SLC28A1: variants seen among roughly 807,000 people sequenced by gnomAD.
The protein encoded by SLC28A1 is sodium/nucleoside cotransporter 1.
A neutral mutation model predicts 74.8 loss-of-function variants in SLC28A1; 64 were observed. The ratio of observed to expected loss-of-function variants is 0.86; its 90% CI spans 0.70 to 1.05. SLC28A1 has a LOEUF of 1.05. SLC28A1 is among the 50% of genes least tolerant of loss of function. The probability of loss-of-function intolerance (pLI) is 0.00; values close to 1 mark genes in which losing one functional copy is unlikely to be tolerated. For synonymous variants in SLC28A1, 359 were observed against 335.0 expected, an observed-to-expected ratio of 1.07 and a Z score of -0.78; for missense variants, 828 against 822.8, an observed-to-expected ratio of 1.01 and a Z score of -0.08.
intron 9 of SLC28A1, among the ~76,000 whole-genome samples, chr15:84,916,059 T>A (rs1241750278): frequency 3.3e-5 from 5 of 151,584 alleles, no homozygotes; most frequent in Admixed American, 6.6e-5. Flanking sequence ...GCCTCCCGGG[T>A]TCAAGCGATT....
intron 5 of SLC28A1, among the ~76,000 whole-genome samples, chr15:84,893,461 T>C (rs1427057640): frequency 6.6e-6 from 1 of 152,216 alleles, no homozygotes; most frequent in Non-Finnish European, 1.5e-5. Context: ...TCATTTTATT[T>C]TTTATAACTC....
At chr15:84,923,217 C>T (rs1263252147) in intron 11 of SLC28A1, among the ~76,000 whole-genome samples, 1 of 152,210 alleles carries the variant, frequency 6.6e-6, no homozygotes, top group African/African-American at 2.4e-5. Context: ...GGATTGCAGG[C>T]GTGAGCCACT....
intron 1 of SLC28A1, 97 bp downstream of exon 1, chr15:84,884,848 C>CT (rs1596170070): frequency 1.8e-6 from 1 of 570,934 alleles, no homozygotes; most frequent in East Asian, 1.5e-4. Context: ...AGGTAGCGTC[C>CT]TTTTTTTCTT....
Position 84,901,162 on chromosome 15 carries a change from G to A in SLC28A1, c.462-2935G>A, listed in dbSNP as rs377407867. 1.1e-3 allele frequency among the ~76,000 whole-genome samples: 172 copies of A among 151,898 alleles called. 1 individual carries two copies. The highest frequency in any genetic ancestry group is 4.0e-3 in the African/African-American group (164 of 41,434). On this transcript the variant is annotated intron_variant, in intron 6 of 18. Transcript: ENST00000394573. Reference sequence around the variant, plus strand: ...GCTTGAACGTGGGAGGCAGAGCCACGGTGCCTGGCCTTGTCATAAATCTTT... The same window carrying A: ...GCTTGAACGTGGGAGGCAGAGCCACAGTGCCTGGCCTTGTCATAAATCTTT...
chr15:84,889,276 G>A (rs750556170), intron 4 of SLC28A1, among the ~76,000 whole-genome samples: 41 of 152,220 alleles, frequency 2.7e-4, no homozygotes, highest in Non-Finnish European at 5.4e-4. Flanking sequence ...GAGGGGAAGG[G>A]ACCAGCCAGG....
chr15:84,923,954 C>G (rs778608288), intron 11 of SLC28A1, 31 bp from the exon 12 acceptor site: 1 of 1,613,878 alleles, frequency 6.2e-7, no homozygotes, highest in Non-Finnish European at 8.5e-7. Flanking sequence ...TCACCCCCAC[C>G]CTGCTTGTCT....
At chr15:84,931,862 C>G (rs1407977039) in intron 12 of SLC28A1, among the ~76,000 whole-genome samples, 2 of 151,642 alleles carry the variant, frequency 1.3e-5, no homozygotes, top group Non-Finnish European at 2.9e-5. Flanking sequence ...ATTAGCCGGG[C>G]GTGGTGGTGC....
intron 6 of SLC28A1, among the ~76,000 whole-genome samples, chr15:84,897,235 A>AG (rs1471351163): frequency 1.3e-5 from 2 of 151,544 alleles, no homozygotes; most frequent in Non-Finnish European, 2.9e-5. Context: ...AAAAAAAAAA[A>AG]AATGGCTGAG....
In SLC28A1 at chr15:84,895,807, C is replaced by G; in HGVS notation, c.461+684C>G. The G allele has an allele frequency of 3.5e-6, 4 of 1,155,700 alleles. No individual in the cohort carries two copies. In the South Asian group the frequency reaches 6.3e-5, roughly 18 times the overall value. 71.6% of individuals were successfully genotyped at this position (1,155,700 alleles called of 1,614,324 possible). ...AAAAAAAAGTCTGAAGACCACCAGT[C>G]TATTTCAATACTCTATTTTGTTGAT... On this transcript the variant is annotated intron_variant, in intron 6 of 18. Transcript: ENST00000394573.
At chr15:84,895,338 T>C (rs117958023) in intron 6 of SLC28A1, 18,197 of 1,613,394 alleles carry the variant, frequency 0.011, 118 homozygotes, top group Non-Finnish European at 0.013. Flanking sequence ...CAGGTGACTG[T>C]GGTGGACGAA....
rs115115840 is a variant in SLC28A1, at chr15:84,944,652, G to A, written c.1750G>A (p.Ala584Thr). 80 of 1,613,180 alleles carry A rather than the reference G, an allele frequency of 5.0e-5. No homozygotes were observed. Among genetic ancestry groups the A allele is most frequent in the Non-Finnish European group, 6.4e-5 (76 of 1,179,262 alleles). Residue 584 changes from alanine (A) to threonine (T), a missense_variant, in exon 17 of 19, where the codon GCC (alanine) becomes ACC (threonine). Physicochemically the swap from Ala to Thr is moderately conservative, Grantham distance 58 (BLOSUM62 0). This residue lies in a region of SLC28A1 where 767 missense variants were observed against 753.5 expected (regional missense o/e 1.02). Transcript: ENST00000394573. ...GGGAGCCTGTGTGTCCCTGGTGAAC[G>A]CCTGTATGGCAGGTGAGTGCAGGCC... ...FTGACVSLVN[A>T]CMAGILYMPR...
intron 15 of SLC28A1, among the ~76,000 whole-genome samples, chr15:84,942,904 G>C (rs896370168): frequency 1.3e-5 from 2 of 152,194 alleles, no homozygotes; most frequent in African/African-American, 4.8e-5. Flanking sequence ...TGAAGGACAG[G>C]CTGGGTGTGG....
chr15:84,930,075 C>T (rs1343888593), intron 12 of SLC28A1, among the ~76,000 whole-genome samples: 1 of 152,228 alleles, frequency 6.6e-6, no homozygotes, highest in African/African-American at 2.4e-5. Flanking sequence ...CTAGCAACTG[C>T]AGCATTTGAG....
chr15:84,975,286 T>C, the SLC28A1 span, among the ~76,000 whole-genome samples: 1 of 152,252 alleles, frequency 6.6e-6, no homozygotes, highest in Non-Finnish European at 1.5e-5. Context: ...TTAATGACTT[T>C]TGAGTTGATT....
chr15:84,899,940 A>AAAGGAAGG (rs71135318), intron 6 of SLC28A1, among the ~76,000 whole-genome samples: 89 of 136,922 alleles, frequency 6.5e-4, no homozygotes, highest in Admixed American at 1.8e-3. Flanking sequence ...AGAAAGAAAG[A>AAAGGAAGG]AAGGAAGGAA....
chr15:84,929,685 C>G lies in SLC28A1; in HGVS notation c.1084-3460C>G, dbSNP rs147841916. On this transcript the variant is annotated intron_variant, in intron 12 of 18. Coordinates refer to ENST00000394573, the MANE Select transcript of SLC28A1 (RefSeq NM_004213.5). Reference sequence around the variant, plus strand: ...ATGGGCAACATAGGGAGACCCCTATCTCCACAAAAAATTTAAAAAATAAAA... The same window carrying G: ...ATGGGCAACATAGGGAGACCCCTATGTCCACAAAAAATTTAAAAAATAAAA... Among the ~76,000 whole-genome samples, 684 of 152,246 alleles carry G rather than the reference C, an allele frequency of 4.5e-3. 12 individuals are homozygous for G. Among genetic ancestry groups the G allele is most frequent in the African/African-American group, 0.016 (652 of 41,534 alleles).
downstream of SLC28A1, among the ~76,000 whole-genome samples, chr15:84,949,285 A>C (rs567808048): frequency 3.5e-4 from 53 of 152,356 alleles, no homozygotes; most frequent in Non-Finnish European, 6.5e-4. Context: ...GGTAAATATG[A>C]TCTCATGGGT....
intron 12 of SLC28A1, among the ~76,000 whole-genome samples, chr15:84,932,444 C>T (rs544489464): frequency 1.3e-5 from 2 of 152,164 alleles, no homozygotes; most frequent in Non-Finnish European, 2.9e-5. Context: ...GTTTTCACAG[C>T]GTGGCTCCCA....
At chr15:84,894,372 C>CA (rs11408601) in intron 5 of SLC28A1, among the ~76,000 whole-genome samples, 52,023 of 134,296 alleles carry the variant, frequency 0.39, 10,362 homozygotes, top group Middle Eastern at 0.46. Flanking sequence ...ACCCTATCTC[C>CA]AAAAAAAAAA....
Sources: allele counts gnomAD v4.1 joint callset (sites outside exome capture counted in the v4.1 genomes callset), GRCh38; gene constraint gnomAD v4.1.1; regional missense constraint gnomAD v4.1.1; transcripts MANE v1.5; gene names NCBI Gene and HGNC (gene_info 2026-07-23, HGNC 2026-07-21).